Variants in HEMK2 observed in about 807,000 individuals in gnomAD.
HEMK2 encodes methyltransferase HEMK2.
the HEMK2 span, among the ~76,000 whole-genome samples, chr21:28,665,334 CTTTTTTT>C: frequency 5.9e-3 from 217 of 36,694 alleles, 3 homozygotes; most frequent in African/African-American, 0.013. Context: ...ATTTATATTT[CTTTTTTT>C]TTTTTTTTTT....
chr21:28,877,364 A>G, the HEMK2 span, among the ~76,000 whole-genome samples: 1 of 146,856 alleles, frequency 6.8e-6, no homozygotes, highest in Admixed American at 6.9e-5. Flanking sequence ...AAAAAGAAAG[A>G]AGAGAAGGGA....
chr21:28,598,971 T>C, the HEMK2 span, among the ~76,000 whole-genome samples: 40 of 152,248 alleles, frequency 2.6e-4, no homozygotes, highest in African/African-American at 8.9e-4. Context: ...CAGTAAAGGA[T>C]TGAAGGTAGT....
At chr21:28,678,700 C>T in the HEMK2 span, among the ~76,000 whole-genome samples, 1 of 152,228 alleles carries the variant, frequency 6.6e-6, no homozygotes, top group Non-Finnish European at 1.5e-5. Flanking sequence ...GATCTCTCAG[C>T]AGAAACTCTA....
the HEMK2 span, among the ~76,000 whole-genome samples, chr21:28,740,317 A>G: frequency 6.6e-6 from 1 of 152,232 alleles, no homozygotes; most frequent in Non-Finnish European, 1.5e-5. Flanking sequence ...GCCAAAACAC[A>G]TGAACATAGA....
chr21:28,670,024 A>C, the HEMK2 span, among the ~76,000 whole-genome samples: 3 of 152,188 alleles, frequency 2.0e-5, no homozygotes, highest in African/African-American at 7.2e-5. Flanking sequence ...TGAAGAACGA[A>C]GCATATGAAT....
chr21:28,863,410 T>TTATATATA, the HEMK2 span, among the ~76,000 whole-genome samples: 1 of 38,982 alleles, frequency 2.6e-5, no homozygotes, highest in Non-Finnish European at 5.2e-5. Context: ...AAACTCCCTT[T>TTATATATA]TATATATATA....
At chr21:28,747,267 T>C in the HEMK2 span, among the ~76,000 whole-genome samples, 1 of 152,198 alleles carries the variant, frequency 6.6e-6, no homozygotes, top group African/African-American at 2.4e-5. Flanking sequence ...AAGGCCCGGA[T>C]GGAGGAGCCC....
At chr21:28,652,375 A>G in the HEMK2 span, among the ~76,000 whole-genome samples, 1 of 152,130 alleles carries the variant, frequency 6.6e-6, no homozygotes, top group East Asian at 1.9e-4. Flanking sequence ...GATTGGAAAG[A>G]AGGGCTTATA....
the HEMK2 span, among the ~76,000 whole-genome samples, chr21:28,858,734 CAGTT>C: frequency 6.6e-6 from 1 of 152,062 alleles, no homozygotes; most frequent in East Asian, 1.9e-4. Flanking sequence ...ATTTATTGCT[CAGTT>C]AGAGTATTTT....
the HEMK2 span, among the ~76,000 whole-genome samples, chr21:28,678,780 T>C: frequency 4.6e-5 from 7 of 152,304 alleles, no homozygotes; most frequent in Non-Finnish European, 1.0e-4. Flanking sequence ...CAGAATTTCA[T>C]ATCCAGCCAA....
the HEMK2 span, among the ~76,000 whole-genome samples, chr21:28,864,913 T>TATAGACAGATAGATAG: frequency 2.8e-5 from 4 of 144,088 alleles, no homozygotes; most frequent in African/African-American, 1.1e-4. Flanking sequence ...AGATAGATGA[T>TATAGACAGATAGATAG]ATAGATAGAT....
At chr21:28,829,676 T>C in the HEMK2 span, among the ~76,000 whole-genome samples, 1 of 152,316 alleles carries the variant, frequency 6.6e-6, no homozygotes, top group Non-Finnish European at 1.5e-5. Context: ...AGCAATTCTT[T>C]TTAAGACAAA....
the HEMK2 span, among the ~76,000 whole-genome samples, chr21:28,729,461 C>T: frequency 1.3e-5 from 2 of 152,082 alleles, no homozygotes; most frequent in Non-Finnish European, 2.9e-5. Flanking sequence ...TTGTTGATAG[C>T]AGAGGGACTG....
At chr21:28,860,651 T>C in the HEMK2 span, among the ~76,000 whole-genome samples, 2 of 151,390 alleles carry the variant, frequency 1.3e-5, no homozygotes, top group Admixed American at 1.3e-4. Flanking sequence ...GACAGTCTTA[T>C]CTACTGTCGA....
At chr21:28,845,047 C>A in the HEMK2 span, among the ~76,000 whole-genome samples, 1 of 151,942 alleles carries the variant, frequency 6.6e-6, no homozygotes, top group Admixed American at 6.6e-5. Context: ...ATACATTTTT[C>A]TACATTCAAT....
chr21:28,660,415 G>A, the HEMK2 span, among the ~76,000 whole-genome samples: 2 of 151,504 alleles, frequency 1.3e-5, no homozygotes, highest in African/African-American at 4.8e-5. Flanking sequence ...GTTAGCTGGA[G>A]GATTTGGGGT....
chr21:28,680,319 T>A, the HEMK2 span, among the ~76,000 whole-genome samples: 1 of 152,180 alleles, frequency 6.6e-6, no homozygotes, highest in African/African-American at 2.4e-5. Context: ...GATAAATTCC[T>A]CGACACATAC....
the HEMK2 span, among the ~76,000 whole-genome samples, chr21:28,869,125 T>C: frequency 1.7e-3 from 253 of 152,346 alleles, no homozygotes; most frequent in Admixed American, 0.015. Flanking sequence ...GTTTTTTGTA[T>C]ACAGACCATG....
the HEMK2 span, among the ~76,000 whole-genome samples, chr21:28,620,378 C>T: frequency 1.3e-5 from 2 of 152,098 alleles, no homozygotes; most frequent in Non-Finnish European, 2.9e-5. Context: ...TAGAATTTGG[C>T]TGTGAATCCG....
Sources: allele counts gnomAD v4.1 joint callset (sites outside exome capture counted in the v4.1 genomes callset), GRCh38; gene constraint gnomAD v4.1.1; transcripts MANE v1.5; gene names NCBI Gene and HGNC (gene_info 2026-07-23, HGNC 2026-07-21).